The following ZNF276 variants were observed in gnomAD, a reference collection of about 807,000 sequenced individuals.
The protein encoded by ZNF276 is zinc finger protein 276.
Under a neutral mutation model 63.9 loss-of-function variants are expected in ZNF276, and 59 were observed. The ratio of observed to expected loss-of-function variants is 0.92; its 90% confidence interval spans 0.75 to 1.15. The LOEUF (loss-of-function observed/expected upper bound fraction) is 1.15. Ranked by LOEUF, ZNF276 falls within the 50% of genes most tolerant of loss-of-function variation. The pLI is 0.00. For missense variants in ZNF276, 1,084 were observed against 843.8 expected (o/e 1.28, Z -3.53); for synonymous variants, 496 against 348.4 (o/e 1.42, Z -4.72).
rs761988162 is a variant in ZNF276 at position 89,739,290 on chromosome 16, C to A, written c.*1044C>A. The stretch of plus-strand genomic sequence containing the variant: ...GTCTTCATGGAAGTAGGAGAGAAGA[C>A]TAGAGGTAAAGACATAGTGACAAAT... On this transcript the variant is annotated 3_prime_UTR_variant, in exon 11 of 11. Coordinates refer to ENST00000443381, the MANE Select transcript of ZNF276 (RefSeq NM_001113525.2). 1 of 1,614,138 alleles carries A rather than the reference C, an allele frequency of 6.2e-7. No homozygotes were observed. The highest frequency in any genetic ancestry group is 8.5e-7 in the Non-Finnish European group (1 of 1,180,030).
Position 89,739,343 on chromosome 16 carries a change from G to C in ZNF276, c.*1097G>C, listed in dbSNP as rs2062062420. ...CTACAGACTGCTGGAAAGGTAGCAG[G>C]TGATGCCAAGGGATACTGCTCATCT... On this transcript the variant is annotated 3_prime_UTR_variant, in exon 11 of 11. Coordinates refer to ENST00000443381, the MANE Select transcript of ZNF276 (RefSeq NM_001113525.2). The C allele has an allele frequency of 6.2e-7, 1 of 1,605,310 alleles. No homozygotes were observed. Among genetic ancestry groups the C allele is most frequent in the African/African-American group, 1.3e-5 (1 of 74,902 alleles).
In ZNF276 at chr16:89,722,680, C is replaced by T. The variant is rs1175982557; in HGVS notation, c.355C>T (p.Arg119Cys). 2 of 1,612,372 alleles carry T rather than the reference C, an allele frequency of 1.2e-6. No individual in the cohort carries two copies. Among genetic ancestry groups the T allele is most frequent in the East Asian group, 2.2e-5 (1 of 44,888 alleles). ...EERVLVRDFQ[R>C]LLGVAVRQDP... ...GCGCGTGCTCGTACGGGACTTCCAG[C>T]GCCTGCTTGGTGTGGCTGTCCGCCA... The change falls in exon 2 of 11, where the codon CGC becomes TGC. Residue 119 changes from arginine to cysteine, a missense_variant. By Grantham distance (180) the Arg-to-Cys change is radical (BLOSUM62 -3). Coordinates refer to ENST00000443381, the MANE Select transcript of ZNF276 (RefSeq NM_001113525.2).
At chr16:89,720,944 T>TGGAGCC, upstream of ZNF276, 2 of 1,200,968 alleles carry the variant, frequency 1.7e-6, no homozygotes, top group South Asian at 6.4e-5. Context: ...GCGCTGGTGC[T>TGGAGCC]GGAGCCGCCC....
chr16:89,733,457 G>T lies in ZNF276; in HGVS notation c.1281-25G>T, dbSNP rs756424646. ...GCTCGCCCTGCCTGTCGGGGCCGGG[G>T]CTCCATGCATGCTCTTCATTGCAGG... On this transcript the variant is annotated intron_variant, in intron 7 of 10. Coordinates refer to ENST00000443381, the MANE Select transcript of ZNF276 (RefSeq NM_001113525.2). The T allele has an allele frequency of 2.5e-6, 4 of 1,614,110 alleles. No homozygotes were observed. The East Asian group carries it at 8.9e-5, about 36-fold the overall frequency.
At chr16:89,727,643 G>A (rs72807539) in intron 5 of ZNF276, among the ~76,000 whole-genome samples, 19,405 of 152,126 alleles carry the variant, frequency 0.13, 1,594 homozygotes, top group Middle Eastern at 0.3. Flanking sequence ...TTTCCTGGGT[G>A]CCAGAGAGCA....
intron 5 of ZNF276, among the ~76,000 whole-genome samples, chr16:89,728,334 C>T (rs560802781): frequency 6.6e-6 from 1 of 152,074 alleles, no homozygotes; most frequent in South Asian, 2.1e-4. Flanking sequence ...AAGTGATTCT[C>T]CCGCCTCAGC....
intron 2 of ZNF276, 24 bp from the exon 3 acceptor site, chr16:89,723,113 C>T (rs756051149): frequency 6.2e-6 from 10 of 1,613,046 alleles, no homozygotes; most frequent in South Asian, 1.1e-5. Context: ...TTGTCCTGCT[C>T]ATGGCCACAC....
intron 4 of ZNF276, among the ~76,000 whole-genome samples, chr16:89,724,785 G>T (rs1035436886): frequency 6.6e-6 from 1 of 152,232 alleles, no homozygotes; most frequent in African/African-American, 2.4e-5. Context: ...CTTGTATGCA[G>T]TGTGTTGAGA....
chr16:89,730,607 A>G (rs1321941754), intron 6 of ZNF276, among the ~76,000 whole-genome samples: 1 of 152,154 alleles, frequency 6.6e-6, no homozygotes, highest in Non-Finnish European at 1.5e-5. Context: ...TTTGGAACAG[A>G]GACACGGGAG....
intron 6 of ZNF276, chr16:89,731,774 A>G (rs2061661406): frequency 6.6e-6 from 1 of 152,258 alleles, no homozygotes; most frequent in Non-Finnish European, 1.5e-5. Flanking sequence ...CATTGATAAT[A>G]TATAGAAACA....
At chr16:89,733,670 T>C in intron 8 of ZNF276, 113 bp downstream of exon 8, 1 of 1,278,278 alleles carries the variant, frequency 7.8e-7, no homozygotes, top group South Asian at 1.3e-5. Context: ...CACTTTGACC[T>C]AGGTTAACCG....
At chr16:89,723,909 C>T (rs889848724) in intron 4 of ZNF276, among the ~76,000 whole-genome samples, 200 bp downstream of exon 4, 10 of 152,394 alleles carry the variant, frequency 6.6e-5, no homozygotes, top group African/African-American at 2.4e-4. Context: ...GTCTCCGCCT[C>T]TTGCTCCTCT....
chr16:89,729,716 G>C (rs530316490), intron 6 of ZNF276, among the ~76,000 whole-genome samples: 1 of 152,132 alleles, frequency 6.6e-6, no homozygotes, highest in Non-Finnish European at 1.5e-5. Flanking sequence ...CTTTGTGTGC[G>C]TCCCCAGAGG....
intron 6 of ZNF276, among the ~76,000 whole-genome samples, chr16:89,730,523 C>T (rs1295461851): frequency 5.3e-5 from 8 of 152,210 alleles, no homozygotes; most frequent in Admixed American, 4.6e-4. Flanking sequence ...GCCCCTGCTG[C>T]TGTGACAGGG....
chr16:89,733,249 AT>A, intron 6 of ZNF276, 52 bp from the exon 7 acceptor site: 2 of 1,534,358 alleles, frequency 1.3e-6, no homozygotes, highest in South Asian at 2.3e-5. Flanking sequence ...GACAAAAAAC[AT>A]TTTGCAAATG....
chr16:89,724,224 A>G (rs571975878), intron 4 of ZNF276, among the ~76,000 whole-genome samples: 5 of 152,332 alleles, frequency 3.3e-5, no homozygotes, highest in Non-Finnish European at 7.4e-5. Context: ...CAGAACCCAT[A>G]GCACTGTGGG....
chr16:89,729,059 G>C (rs1597991804), intron 5 of ZNF276, among the ~76,000 whole-genome samples, 176 bp from the exon 6 acceptor site: 1 of 152,218 alleles, frequency 6.6e-6, no homozygotes, highest in African/African-American at 2.4e-5. Flanking sequence ...AGCCTGGCTG[G>C]CCCTTTGTGT....
At chr16:89,721,004 C>A, upstream of ZNF276, 1 of 820,062 alleles carries the variant, frequency 1.2e-6, no homozygotes, top group Non-Finnish European at 1.6e-6. Flanking sequence ...GCGACGGGCC[C>A]CCTCCGCGCG....
intron 5 of ZNF276, among the ~76,000 whole-genome samples, chr16:89,728,505 G>C (rs574871633): frequency 2.0e-5 from 3 of 152,164 alleles, no homozygotes; most frequent in Non-Finnish European, 4.4e-5. Flanking sequence ...CCGGGTTCAC[G>C]CCATTCTCCG....
Sources: gnomAD v4.1 joint callset for allele counts (sites outside exome capture counted in the v4.1 genomes callset) on GRCh38, gnomAD v4.1.1 for gene constraint, MANE v1.5 for transcripts, NCBI Gene and HGNC (gene_info 2026-07-23, HGNC 2026-07-21) for gene names.